Variants in STK31 observed in about 807,000 individuals in gnomAD.
STK31 encodes the protein serine/threonine-protein kinase 31.
In STK31, 89 loss-of-function variants were observed where a neutral mutation model predicts 129.7. The ratio of observed to expected loss-of-function variants is 0.69; its 90% CI spans 0.58 to 0.82. STK31 has a LOEUF of 0.82. STK31 is among the 40% of genes least tolerant of loss of function. STK31 has a pLI of 0.00. For synonymous variants in STK31, 448 were observed against 395.3 expected (o/e 1.13, Z -1.58); for missense variants, 1,187 against 1,176.4 (o/e 1.01, Z -0.13).
At chr7:23,772,720 A>T (rs1385294461) in intron 15 of STK31, among the ~76,000 whole-genome samples, 1 of 152,086 alleles carries the variant, frequency 6.6e-6, no homozygotes, top group African/African-American at 2.4e-5. Context: ...ATTTCTTGCA[A>T]GTATTTTAAG....
intron 21 of STK31, among the ~76,000 whole-genome samples, chr7:23,788,545 C>G (rs1047574972): frequency 3.3e-5 from 5 of 152,124 alleles, no homozygotes; most frequent in South Asian, 2.1e-4. Flanking sequence ...AACCGGGGAA[C>G]CTTGGACTTT....
At chr7:23,775,503 G>A (rs754263445) in intron 15 of STK31, among the ~76,000 whole-genome samples, 19 of 151,938 alleles carry the variant, frequency 1.3e-4, no homozygotes, top group Non-Finnish European at 2.4e-4. Context: ...CTCTTATTTC[G>A]TTGAGCAGTG....
At chr7:23,773,945 C>T (rs1056113550) in intron 15 of STK31, among the ~76,000 whole-genome samples, 1 of 148,748 alleles carries the variant, frequency 6.7e-6, no homozygotes, top group Non-Finnish European at 1.5e-5. Flanking sequence ...CCCCACCCCA[C>T]AACAGACCCC....
intron 22 of STK31, among the ~76,000 whole-genome samples, chr7:23,807,937 A>C (rs1405674847): frequency 1.3e-5 from 2 of 150,810 alleles, no homozygotes; most frequent in East Asian, 3.9e-4. Context: ...CTATTTTAAA[A>C]ATTTAAGTGT....
intron 4 of STK31, among the ~76,000 whole-genome samples, chr7:23,724,057 A>G (rs1786899063): frequency 6.6e-6 from 1 of 152,240 alleles, no homozygotes; most frequent in South Asian, 2.1e-4. Context: ...CAAGAATCAA[A>G]AGAAGCAAAT....
rs779228591 is a variant in STK31, at chr7:23,752,822, A to G, written c.1123A>G (p.Lys375Glu). Residue 375 changes from lysine (K) to glutamate (E), a missense_variant, in exon 9 of 24, where the codon AAA becomes GAA. Coordinates refer to ENST00000355870, the MANE Select transcript of STK31 (RefSeq NM_031414.5). ...TCTGGCAGCTAAGATGGAAATACTG[A>G]AAGAAATGAGGTAGGTAAAAGCATA... ...KNLAAKMEIL[K>E]EMRHVDISVR... 6.2e-7 allele frequency: 1 copy of G among 1,600,248 alleles called. No individual in the cohort carries two copies. The highest frequency in any genetic ancestry group is 2.2e-5 in the East Asian group (1 of 44,786).
chr7:23,821,096 G>T (rs777694884), intron 23 of STK31, among the ~76,000 whole-genome samples: 3 of 152,122 alleles, frequency 2.0e-5, no homozygotes, highest in Non-Finnish European at 4.4e-5. Context: ...ATTGTGAATA[G>T]TGCTGCAATA....
chr7:23,788,425 A>G (rs567495670), intron 21 of STK31, among the ~76,000 whole-genome samples: 6 of 152,170 alleles, frequency 3.9e-5, no homozygotes, highest in Non-Finnish European at 8.8e-5. Flanking sequence ...CATGTAAGGA[A>G]ACTAGGTGGC....
chr7:23,790,690 T>TA lies in STK31; in HGVS notation c.2638-129dup, dbSNP rs1048147769. ...AGCAATTTATAATAGCAGAAATTGG[T>TA]AAAAATATTTGAAAGCAAGGGAATG... is the stretch of plus-strand genomic sequence containing the variant. On this transcript the variant is annotated intron_variant, in intron 21 of 23. Transcript: ENST00000355870. 7 of 923,994 alleles carry TA rather than the reference T, an allele frequency of 7.6e-6. No individual in the cohort carries two copies. In the African/African-American group the frequency reaches 1.2e-4, roughly 16 times the overall value. 57.2% of individuals were successfully genotyped at this position (923,994 alleles called of 1,614,324 possible). A position where few individuals can be genotyped will look rare whatever the true frequency, so the allele number is the denominator to read the frequency against.
chr7:23,780,582 G>T (rs563989337), intron 15 of STK31, among the ~76,000 whole-genome samples: 1 of 152,206 alleles, frequency 6.6e-6, no homozygotes, highest in African/African-American at 2.4e-5. Flanking sequence ...ATTTGAGAGA[G>T]GGGTAGAGGA....
Position 23,832,333 on chromosome 7 carries a change from G to A in STK31, c.3027G>A (p.Lys1009=). The change falls in exon 24 of 24, where the codon AAG becomes AAA. Residue 1009 remains lysine (K), a synonymous_variant. Transcript: ENST00000355870. ...AGAACTTGGATAAATGTATGGAGAA[G>A]ACAAGAAATGGTGAAGCCAACTTTG... The part of the protein sequence containing the change: ...KTENLDKCME[K]TRNGEANFDC 1 of 1,612,004 alleles carries A rather than the reference G, an allele frequency of 6.2e-7. No homozygotes were observed. The highest frequency in any genetic ancestry group is 8.5e-7 in the Non-Finnish European group (1 of 1,179,650).
chr7:23,810,883 AAT>A (rs1178199254), intron 22 of STK31, among the ~76,000 whole-genome samples: 17 of 139,704 alleles, frequency 1.2e-4, no homozygotes, highest in Non-Finnish European at 4.6e-5. Context: ...AAATATGTAT[AAT>A]ATATATTTAT....
chr7:23,722,509 C>G (rs938079799), intron 4 of STK31: 1 of 152,628 alleles, frequency 6.6e-6, no homozygotes, highest in Admixed American at 6.5e-5. Context: ...TGGGGGGTGC[C>G]TCCCAGTTAG....
intron 22 of STK31, among the ~76,000 whole-genome samples, chr7:23,810,879 GTA>G (rs1276685741): frequency 3.7e-5 from 5 of 135,102 alleles, no homozygotes; most frequent in Non-Finnish European, 7.8e-5. Context: ...ATATAAATAT[GTA>G]TAATATATAT....
chr7:23,816,573 AT>A (rs1370748571), intron 23 of STK31, among the ~76,000 whole-genome samples: 1 of 152,160 alleles, frequency 6.6e-6, no homozygotes, highest in African/African-American at 2.4e-5. Flanking sequence ...TGTTCATAGG[AT>A]TCTGTTTCTT....
intron 23 of STK31, among the ~76,000 whole-genome samples, chr7:23,825,365 G>T (rs1281815502): frequency 6.6e-6 from 1 of 152,200 alleles, no homozygotes; most frequent in Non-Finnish European, 1.5e-5. Flanking sequence ...ATTTCTTCTA[G>T]ATTTTCTAGT....
chr7:23,772,234 G>A lies in STK31; in HGVS notation c.1921G>A (p.Ala641Thr), dbSNP rs2128104320. ...TAAGAAGACATTGAAAAGCTTAAAA[G>A]CTCTACTCAGATGGAAATTGGTTGA... ...SIKKTLKSLK[A>T]LLRWKLVEKS... Residue 641 changes from alanine to threonine, a missense_variant, in exon 15 of 24, where the codon GCT becomes ACT. By Grantham distance (58) the Ala-to-Thr change is moderately conservative (BLOSUM62 0). Transcript: ENST00000355870. The A allele has an allele frequency of 1.2e-6, 2 of 1,608,980 alleles. No individual in the cohort carries two copies. Among genetic ancestry groups the A allele is most frequent in the East Asian group, 2.2e-5 (1 of 44,466 alleles).
At chr7:23,762,218 T>C (rs1789517469) in intron 10 of STK31, among the ~76,000 whole-genome samples, 1 of 151,424 alleles carries the variant, frequency 6.6e-6, no homozygotes, top group South Asian at 2.1e-4. Flanking sequence ...GTATATCTCC[T>C]AATGCTATCC....
intron 15 of STK31, among the ~76,000 whole-genome samples, chr7:23,780,288 C>T (rs552860961): frequency 6.6e-6 from 1 of 152,298 alleles, no homozygotes; most frequent in East Asian, 1.9e-4. Flanking sequence ...ATTTGGCCAT[C>T]TTAGTATCTG....
Sources: allele counts gnomAD v4.1 joint callset (sites outside exome capture counted in the v4.1 genomes callset), GRCh38; gene constraint gnomAD v4.1.1; transcripts MANE v1.5; gene names NCBI Gene and HGNC (gene_info 2026-07-23, HGNC 2026-07-21).